The following FRMD4A variants were observed in gnomAD, a reference collection of about 807,000 sequenced individuals.
FRMD4A encodes FERM domain containing 4A, also known as FERM domain-containing protein 4A.
In FRMD4A, 29 loss-of-function variants were observed where a neutral mutation model predicts 129.1. That is an observed-to-expected ratio of 0.22 (90% CI 0.17 to 0.31). The LOEUF is 0.31. Ranked by LOEUF, FRMD4A falls within the 10% of genes least tolerant of loss-of-function variation. FRMD4A has a pLI of 1.00. For missense variants in FRMD4A, 1,272 were observed against 1,375.8 expected, an observed-to-expected ratio of 0.92 and a Z score of 1.19; for synonymous variants, 634 against 571.6, an observed-to-expected ratio of 1.11 and a Z score of -1.56.
At chr10:14,278,800 C>T (rs974356731) in intron 2 of FRMD4A, among the ~76,000 whole-genome samples, 3 of 152,166 alleles carry the variant, frequency 2.0e-5, no homozygotes, top group African/African-American at 7.2e-5. Context: ...TCCTGTCTGA[C>T]AAATGTTACA....
intron 2 of FRMD4A, among the ~76,000 whole-genome samples, chr10:14,019,288 C>T (rs1209790585): frequency 6.6e-6 from 1 of 152,074 alleles, no homozygotes; most frequent in Non-Finnish European, 1.5e-5. Flanking sequence ...TTACATAGCT[C>T]TATTGAAAAT....
rs1424709315 is a variant in FRMD4A, at chr10:13,654,417, C to T, written c.3049G>A (p.Gly1017Arg). 6.3e-7 allele frequency: 1 copy of T among 1,591,732 alleles called. No individual in the cohort carries two copies. Among genetic ancestry groups the T allele is most frequent in the Non-Finnish European group, 8.6e-7 (1 of 1,159,550 alleles). ...GAAGAACATAGAAGGAGAACTCACCCAGTCTGCCAGGTTAGGATGTGGTGG... is the reference window on the plus strand; with the variant it reads ...GAAGAACATAGAAGGAGAACTCACCTAGTCTGCCAGGTTAGGATGTGGTGG... ...SPHHILTWQT[G>R]EATENSPILD... Residue 1017 changes from glycine to arginine, a missense_variant and splice_region_variant, in exon 23 of 25, where the codon GGA becomes AGA. Coordinates refer to ENST00000357447, the MANE Select transcript of FRMD4A (RefSeq NM_018027.5).
intron 12 of FRMD4A, chr10:13,707,696 G>T: frequency 3.0e-6 from 3 of 985,532 alleles, no homozygotes; most frequent in Non-Finnish European, 3.6e-6. Flanking sequence ...ACCTTATTTC[G>T]GGGGCAGGCA....
At chr10:14,316,524 A>AAG (rs1554808604) in intron 2 of FRMD4A, among the ~76,000 whole-genome samples, 67 of 132,656 alleles carry the variant, frequency 5.1e-4, no homozygotes, top group African/African-American at 1.6e-3. Flanking sequence ...AAAAAAAAAA[A>AAG]AAGAAGAAGA....
At chr10:13,963,471 G>A (rs1379476884) in intron 2 of FRMD4A, among the ~76,000 whole-genome samples, 1 of 152,094 alleles carries the variant, frequency 6.6e-6, no homozygotes, top group Non-Finnish European at 1.5e-5. Flanking sequence ...GGAAACGTTT[G>A]GTTGGGTCAT....
intron 2 of FRMD4A, among the ~76,000 whole-genome samples, chr10:14,261,904 C>T (rs1338887692): frequency 6.6e-6 from 1 of 150,966 alleles, no homozygotes; most frequent in African/African-American, 2.4e-5. Context: ...AACCCAGCCT[C>T]TGTTATTTCA....
intron 4 of FRMD4A, among the ~76,000 whole-genome samples, chr10:13,798,766 G>A (rs763363825): frequency 6.6e-6 from 1 of 152,154 alleles, no homozygotes; most frequent in Non-Finnish European, 1.5e-5. Flanking sequence ...AATAACAGGA[G>A]CAACTTCTTC....
rs116111264 is a variant in FRMD4A at position 14,321,559 on chromosome 10, A to G, written c.45+8499T>C. 3.1e-3 allele frequency among the ~76,000 whole-genome samples: 466 copies of G among 152,262 alleles called. 3 individuals carry two copies. The highest frequency in any genetic ancestry group is 0.01 in the African/African-American group (434 of 41,554). Reference sequence around the variant, plus strand: ...GGGACATGAGGCTGGGCAGGTAGGCAGAGACCAGATCTGTAAGTGAGTAAT... The same window carrying G: ...GGGACATGAGGCTGGGCAGGTAGGCGGAGACCAGATCTGTAAGTGAGTAAT... On this transcript the variant is annotated intron_variant, in intron 2 of 24. Coordinates refer to ENST00000357447, the MANE Select transcript of FRMD4A (RefSeq NM_018027.5).
chr10:14,310,378 T>C (rs1009829974), intron 2 of FRMD4A, among the ~76,000 whole-genome samples: 18 of 152,116 alleles, frequency 1.2e-4, no homozygotes, highest in African/African-American at 3.6e-4. Context: ...GGTCAAAGAG[T>C]CCTCGGCAGA....
At chr10:14,080,964 C>G (rs926268734) in intron 2 of FRMD4A, among the ~76,000 whole-genome samples, 1 of 151,898 alleles carries the variant, frequency 6.6e-6, no homozygotes, top group Non-Finnish European at 1.5e-5. Context: ...TTGATGGAAC[C>G]GTCATCTCTG....
At chr10:14,206,201 A>C (rs992692292) in intron 2 of FRMD4A, among the ~76,000 whole-genome samples, 28 of 152,318 alleles carry the variant, frequency 1.8e-4, no homozygotes, top group African/African-American at 5.8e-4. Context: ...CATAACCACA[A>C]GGACACACAA....
At chr10:14,127,907 T>C (rs186303566) in intron 2 of FRMD4A, among the ~76,000 whole-genome samples, 4 of 1,694 alleles carry the variant, frequency 2.4e-3, no homozygotes, top group African/African-American at 0.012. Flanking sequence ...TATATTTTGC[T>C]TTCTTTCTTT....
intron 2 of FRMD4A, among the ~76,000 whole-genome samples, chr10:14,208,081 C>T (rs138659603): frequency 1.7e-4 from 26 of 152,040 alleles, no homozygotes; most frequent in African/African-American, 5.8e-4. Context: ...CCTGTTCTCC[C>T]GGCTACTTGA....
intron 2 of FRMD4A, among the ~76,000 whole-genome samples, chr10:14,207,574 C>T (rs995443317): frequency 6.6e-6 from 1 of 152,032 alleles, no homozygotes; most frequent in Non-Finnish European, 1.5e-5. Flanking sequence ...CATTGTCCTT[C>T]CCCTTTTAAG....
chr10:14,220,802 G>T (rs1564396307), intron 2 of FRMD4A, among the ~76,000 whole-genome samples: 1 of 50,756 alleles, frequency 2.0e-5, no homozygotes, highest in African/African-American at 4.5e-5. Flanking sequence ...GTGTGTGTGT[G>T]TGTGTGTGTT....
Position 13,707,059 on chromosome 10 carries a change from C to A in FRMD4A, c.814G>T (p.Val272Leu), listed in dbSNP as rs1296059989. Reference protein sequence around the residue: ...NLYFREKKFSVEVHDPRRASV... With the variant: ...NLYFREKKFSLEVHDPRRASV... ...TACCTGCGTGGGTCATGAACTTCCA[C>A]GGAAAACTTCTTTTCTCTGAAGTAC... Residue 272 changes from valine (V) to leucine (L), a missense_variant, in exon 13 of 25, where the codon GTG becomes TTG. Around this residue, in one of 2 missense-constraint regions of FRMD4A, gnomAD observed 300 missense variants for 483.6 expected, o/e 0.62. Coordinates refer to ENST00000357447, the MANE Select transcript of FRMD4A (RefSeq NM_018027.5). 6.3e-7 allele frequency: 1 copy of A among 1,590,832 alleles called. No homozygotes were observed. The highest frequency in any genetic ancestry group is 8.6e-7 in the Non-Finnish European group (1 of 1,158,828).
intron 2 of FRMD4A, among the ~76,000 whole-genome samples, chr10:14,108,615 T>C (rs1026138176): frequency 7.2e-5 from 11 of 152,180 alleles, no homozygotes; most frequent in Non-Finnish European, 1.3e-4. Context: ...GGGAGTCCTG[T>C]TTAGCAAAAA....
chr10:13,980,350 C>CA (rs1014701244), intron 2 of FRMD4A, among the ~76,000 whole-genome samples: 41 of 151,798 alleles, frequency 2.7e-4, no homozygotes, highest in East Asian at 1.2e-3. Context: ...GTGGTAAAAA[C>CA]AAAAAAAATC....
At chr10:13,969,750 G>T (rs185720009) in intron 2 of FRMD4A, among the ~76,000 whole-genome samples, 1 of 152,024 alleles carries the variant, frequency 6.6e-6, no homozygotes, top group Admixed American at 6.6e-5. Flanking sequence ...GGAGGCTGAG[G>T]TGGGAGGATC....
Sources: allele counts gnomAD v4.1 joint callset (sites outside exome capture counted in the v4.1 genomes callset), GRCh38; gene constraint gnomAD v4.1.1; regional missense constraint gnomAD v4.1.1; transcripts MANE v1.5; gene names NCBI Gene and HGNC (gene_info 2026-07-23, HGNC 2026-07-21).